The following CFTR variants were observed in gnomAD, a reference collection of about 807,000 sequenced individuals.
CFTR encodes the protein cystic fibrosis transmembrane conductance regulator.
A neutral mutation model predicts 171.6 loss-of-function variants in CFTR; 181 were observed. That is an observed-to-expected ratio of 1.05 (90% confidence interval 0.93 to 1.19). The LOEUF is 1.19. Among genes scored for constraint, CFTR ranks in the 50% most tolerant of loss-of-function variants. The pLI is 0.00. For missense variants in CFTR, 1,968 were observed against 1,734.7 expected, an observed-to-expected ratio of 1.13 and a Z score of -2.39; for synonymous variants, 583 against 608.0, an observed-to-expected ratio of 0.96 and a Z score of 0.60.
At chr7:117,510,339 T>A (rs771600340) in intron 3 of CFTR, among the ~76,000 whole-genome samples, 11 of 152,188 alleles carry the variant, frequency 7.2e-5, no homozygotes, top group Non-Finnish European at 1.2e-4. Context: ...TTCTATTTGA[T>A]GTAATTTTTA....
At chr7:117,586,583 A>G (rs1464708804) in intron 11 of CFTR, among the ~76,000 whole-genome samples, 1 of 152,174 alleles carries the variant, frequency 6.6e-6, no homozygotes. Flanking sequence ...ATTTATGTCC[A>G]TATGGTAGAT....
chr7:117,633,360 A>G (rs955903558), intron 22 of CFTR, among the ~76,000 whole-genome samples: 5 of 152,102 alleles, frequency 3.3e-5, no homozygotes, highest in African/African-American at 1.2e-4. Flanking sequence ...TTAGCCTTAT[A>G]TCTTTCAACT....
intron 21 of CFTR, 35 bp downstream of exon 21, chr7:117,614,748 A>G (rs1433386225): frequency 1.4e-6 from 2 of 1,382,312 alleles, no homozygotes; most frequent in Non-Finnish European, 2.1e-6. Context: ...TTTATGAAAA[A>G]AATTCAGACA....
At chr7:117,577,770 A>G (rs932299291) in intron 11 of CFTR, among the ~76,000 whole-genome samples, 4 of 152,138 alleles carry the variant, frequency 2.6e-5, no homozygotes, top group Middle Eastern at 3.2e-3. Context: ...ACATAACATA[A>G]TACATAACCA....
intron 5 of CFTR, among the ~76,000 whole-genome samples, 160 bp downstream of exon 5, chr7:117,534,525 G>C (rs1435731959): frequency 2.6e-5 from 4 of 152,178 alleles, no homozygotes; most frequent in Non-Finnish European, 5.9e-5. Context: ...TTGTATAGCA[G>C]AGCACCATTC....
chr7:117,649,475 T>TAG (rs1158514119), intron 23 of CFTR, among the ~76,000 whole-genome samples: 1 of 120,236 alleles, frequency 8.3e-6, no homozygotes, highest in East Asian at 2.3e-4. Context: ...TATCTGTACA[T>TAG]ATATATATAG....
chr7:117,625,765 A>G (rs1157654796), intron 21 of CFTR, among the ~76,000 whole-genome samples: 1 of 152,174 alleles, frequency 6.6e-6, no homozygotes, highest in Non-Finnish European at 1.5e-5. Context: ...AATTTTAACT[A>G]CATCTCTGGC....
Position 117,587,812 on chromosome 7 carries a change from G to A in CFTR, c.1658G>A (p.Arg553Gln), listed in dbSNP as rs121909044. The change falls in exon 12 of 27, where the codon CGA becomes CAA. Residue 553 changes from arginine to glutamine, a missense_variant. Arg to Gln is a conservative substitution (Grantham distance 43, BLOSUM62 1). Coordinates refer to ENST00000003084, the MANE Select transcript of CFTR (RefSeq NM_000492.4). ...EGGITLSGGQRARISLARAVY... is the reference protein window; with the variant it reads ...EGGITLSGGQQARISLARAVY... Reference sequence around the variant, plus strand: ...GGAATCACACTGAGTGGAGGTCAACGAGCAAGAATTTCTTTAGCAAGGTGA... The same window carrying A: ...GGAATCACACTGAGTGGAGGTCAACAAGCAAGAATTTCTTTAGCAAGGTGA... 8 of 1,606,196 alleles carry A rather than the reference G, an allele frequency of 5.0e-6. No individual in the cohort carries two copies. Among genetic ancestry groups the A allele is most frequent in the Non-Finnish European group, 6.8e-6 (8 of 1,173,130 alleles).
intron 11 of CFTR, among the ~76,000 whole-genome samples, chr7:117,568,315 G>A (rs1791635763): frequency 6.6e-6 from 1 of 152,090 alleles, no homozygotes; most frequent in Admixed American, 6.6e-5. Flanking sequence ...TTTGAGAGTG[G>A]TCATATGACC....
chr7:117,551,428 A>G (rs1336316978), intron 10 of CFTR, among the ~76,000 whole-genome samples: 1 of 152,118 alleles, frequency 6.6e-6, no homozygotes, highest in Non-Finnish European at 1.5e-5. Flanking sequence ...TTATCTCTGA[A>G]ATTTTGGGTA....
At chr7:117,611,498 A>T in intron 19 of CFTR, 83 bp from the exon 20 acceptor site, 1 of 844,806 alleles carries the variant, frequency 1.2e-6, no homozygotes, top group Non-Finnish European at 2.0e-6. Flanking sequence ...ATTCTAATTT[A>T]GTCTTTTTCA....
chr7:117,509,833 A>G (rs555099104), intron 3 of CFTR, among the ~76,000 whole-genome samples: 6 of 152,138 alleles, frequency 3.9e-5, no homozygotes, highest in Non-Finnish European at 8.8e-5. Flanking sequence ...GTAACCTATA[A>G]AAGGAGACAG....
rs1419497091 is a variant in CFTR, at chr7:117,592,071, A to C, written c.1904A>C (p.Asn635Thr). The C allele has an allele frequency of 3.1e-6, 5 of 1,611,332 alleles. No individual in the cohort carries two copies. Among genetic ancestry groups the C allele is most frequent in the Non-Finnish European group, 4.2e-6 (5 of 1,178,950 alleles). ...YFYGTFSELQ[N>T]LQPDFSSKLM... ...TATGGGACATTTTCAGAACTCCAAAATCTACAGCCAGACTTTAGCTCAAAA... is the reference window on the plus strand; with the variant it reads ...TATGGGACATTTTCAGAACTCCAAACTCTACAGCCAGACTTTAGCTCAAAA... Residue 635 changes from asparagine (N) to threonine (T), a missense_variant, in exon 14 of 27, where the codon AAT becomes ACT. Coordinates refer to ENST00000003084, the MANE Select transcript of CFTR (RefSeq NM_000492.4).
At chr7:117,503,297 G>A (rs1485710454) in intron 1 of CFTR, among the ~76,000 whole-genome samples, 2 of 152,068 alleles carry the variant, frequency 1.3e-5, no homozygotes, top group African/African-American at 4.8e-5. Flanking sequence ...AAGATGCTGA[G>A]GGAAAAAGCA....
chr7:117,654,680 A>G (rs574697371), intron 24 of CFTR, among the ~76,000 whole-genome samples: 1 of 152,236 alleles, frequency 6.6e-6, no homozygotes, highest in South Asian at 2.1e-4. Flanking sequence ...CCCTTCCGCC[A>G]TGATTGTAAG....
intron 11 of CFTR, among the ~76,000 whole-genome samples, chr7:117,585,840 T>C (rs547264005): frequency 6.6e-6 from 1 of 152,050 alleles, no homozygotes; most frequent in Non-Finnish European, 1.5e-5. Context: ...TAGAGATGGG[T>C]CTTGCTATGT....
intron 1 of CFTR, among the ~76,000 whole-genome samples, chr7:117,494,610 A>C (rs1048521910): frequency 6.6e-6 from 1 of 152,152 alleles, no homozygotes; most frequent in African/African-American, 2.4e-5. Flanking sequence ...GTCAAAGGAC[A>C]GAGAAACCTA....
chr7:117,620,825 A>G (rs1287500048), intron 21 of CFTR, among the ~76,000 whole-genome samples: 1 of 152,158 alleles, frequency 6.6e-6, no homozygotes, highest in African/African-American at 2.4e-5. Context: ...AACACAGAGT[A>G]GCCAGGTGCG....
At position 117,496,573 on chromosome 7, in the gene CFTR, A is replaced by T. The variant is rs142566439; in HGVS notation, c.54-7680A>T. On this transcript the variant is annotated intron_variant, in intron 1 of 26. Coordinates refer to ENST00000003084, the MANE Select transcript of CFTR (RefSeq NM_000492.4). The stretch of plus-strand genomic sequence containing the variant: ...TATGTATTTTATTTATCCTTTCCCC[A>T]GTTAATAGATATTTCGATTGTTCCT... Among the ~76,000 whole-genome samples, 3 of 152,218 alleles carry T rather than the reference A, an allele frequency of 2.0e-5. No homozygotes were observed. The East Asian group carries it at 5.8e-4, about 29-fold the overall frequency.
Sources: gnomAD v4.1 joint callset for allele counts (sites outside exome capture counted in the v4.1 genomes callset) on GRCh38, gnomAD v4.1.1 for gene constraint, MANE v1.5 for transcripts, NCBI Gene and HGNC (gene_info 2026-07-23, HGNC 2026-07-21) for gene names.